The following SAMSN1 variants were observed in gnomAD, a reference collection of about 807,000 sequenced individuals.
SAMSN1 encodes the protein SAM domain-containing protein SAMSN-1.
In SAMSN1, 31 loss-of-function variants were observed where a neutral mutation model predicts 42.0. That is an observed-to-expected ratio of 0.74 (90% CI 0.55 to 1.00). The LOEUF (loss-of-function observed/expected upper bound fraction) is 1.00, where lower values mean the gene tolerates loss of function less well. SAMSN1 is among the 50% of genes least tolerant of loss of function. The pLI is 0.00. For missense variants in SAMSN1, 464 were observed against 439.4 expected (o/e 1.06, Z -0.50); for synonymous variants, 178 against 151.9 (o/e 1.17, Z -1.26).
At chr21:14,605,913 T>C (rs532508717) in intron 5 of SAMSN1, among the ~76,000 whole-genome samples, 7 of 151,640 alleles carry the variant, frequency 4.6e-5, no homozygotes, top group Admixed American at 1.3e-4. Context: ...GCGATCTGGG[T>C]TCACTGCAAG....
chr21:14,585,156 A>T (rs460622), upstream of SAMSN1, among the ~76,000 whole-genome samples: 100,704 of 152,070 alleles, frequency 0.66, 35,598 homozygotes, highest in Non-Finnish European at 0.79. Context: ...GCTCTGCTCA[A>T]CACAATTTCT....
At chr21:14,626,895 A>G (rs1983191934) in intron 2 of SAMSN1, among the ~76,000 whole-genome samples, 2 of 152,238 alleles carry the variant, frequency 1.3e-5, no homozygotes, top group South Asian at 4.1e-4. Flanking sequence ...CATCAATGAT[A>G]GACTGGATTA....
At chr21:14,647,282 G>C (rs1337848172) in intron 1 of SAMSN1, among the ~76,000 whole-genome samples, 1 of 151,936 alleles carries the variant, frequency 6.6e-6, no homozygotes, top group Non-Finnish European at 1.5e-5. Flanking sequence ...GTTTGTCAAA[G>C]ATCAGATAGT....
intron 2 of SAMSN1, among the ~76,000 whole-genome samples, chr21:14,570,409 C>G (rs35976700): frequency 6.6e-6 from 1 of 152,164 alleles, no homozygotes; most frequent in Non-Finnish European, 1.5e-5. Flanking sequence ...TCAGGGGAGG[C>G]AAATGGATGA....
intron 7 of SAMSN1, among the ~76,000 whole-genome samples, chr21:14,493,344 A>C (rs1986773956): frequency 1.3e-5 from 2 of 152,158 alleles, no homozygotes; most frequent in South Asian, 4.1e-4. Flanking sequence ...TTATCCCTGT[A>C]ATCTAGAGCA....
chr21:14,538,265 C>T (rs900335665), intron 1 of SAMSN1, among the ~76,000 whole-genome samples: 1 of 152,070 alleles, frequency 6.6e-6, no homozygotes, highest in African/African-American at 2.4e-5. Context: ...TTCCAGAAAA[C>T]TCTGTTTGAA....
At chr21:14,489,222 T>TA (rs1986570344) in intron 7 of SAMSN1, among the ~76,000 whole-genome samples, 2 of 152,300 alleles carry the variant, frequency 1.3e-5, no homozygotes, top group South Asian at 2.1e-4. Context: ...TCATCTGGGC[T>TA]AACCAGGCAA....
At chr21:14,590,563 G>C (rs564229604) in intron 7 of SAMSN1, among the ~76,000 whole-genome samples, 1 of 150,698 alleles carries the variant, frequency 6.6e-6, no homozygotes, top group Non-Finnish European at 1.5e-5. Context: ...AATTACAGGC[G>C]TGAGCCATCA....
At position 14,646,277 on chromosome 21, in the gene SAMSN1, GA is replaced by G. The variant is rs534358488; in HGVS notation, c.25-3145del. 6.6e-5 allele frequency among the ~76,000 whole-genome samples: 10 copies of G among 152,166 alleles called. No homozygotes were observed. In the South Asian group the frequency reaches 2.1e-3, roughly 32 times the overall value. On this transcript the variant is annotated intron_variant, in intron 1 of 15. Transcript: ENST00000647101. The stretch of plus-strand genomic sequence containing the variant: ...GAATTCTAAAAGCCACAAGAGAAAA[GA>G]AACAAATAACATACAATTGAGCGCC...
Position 14,565,376 on chromosome 21 carries a change from AT to A in SAMSN1, c.261+16759del, listed in dbSNP as rs556991542. On this transcript the variant is annotated intron_variant, in intron 2 of 8. Transcript: ENST00000285670. Reference sequence around the variant, plus strand: ...AAATATCTTCAATGACTCATCCTCTATTGATAACACTAGCTTTTACACCAGG... The same window carrying A: ...AAATATCTTCAATGACTCATCCTCTATGATAACACTAGCTTTTACACCAGG... Among the ~76,000 whole-genome samples, 422 of 152,014 alleles carry A rather than the reference AT, an allele frequency of 2.8e-3. 3 individuals carry two copies. The highest frequency in any genetic ancestry group is 5.3e-3 in the Non-Finnish European group (358 of 67,974).
chr21:14,645,081 G>A lies in SAMSN1; in HGVS notation c.25-1948C>T, dbSNP rs558621533. On this transcript the variant is annotated intron_variant, in intron 1 of 15. Transcript: ENST00000647101. ...ACTTCTGGACTCACCCAGGGCCTGG[G>A]GGCCTTCAGTGCCCTGAAGGGAAGC... Among the ~76,000 whole-genome samples, 97 of 152,298 alleles carry A rather than the reference G, an allele frequency of 6.4e-4. 2 individuals carry two copies. Among genetic ancestry groups the A allele is most frequent in the South Asian group, 6.0e-3 (29 of 4,820 alleles).
chr21:14,638,631 C>A (rs1290278958), intron 2 of SAMSN1, among the ~76,000 whole-genome samples: 1 of 152,148 alleles, frequency 6.6e-6, no homozygotes, highest in Non-Finnish European at 1.5e-5. Flanking sequence ...GATTTTCAGT[C>A]CCTACTGTAG....
chr21:14,558,633 A>G (rs899042379), intron 2 of SAMSN1, among the ~76,000 whole-genome samples: 5 of 152,174 alleles, frequency 3.3e-5, no homozygotes, highest in African/African-American at 1.2e-4. Context: ...GTGAGCCGAC[A>G]TCTCATCACT....
In SAMSN1 at chr21:14,613,478, C is replaced by T. The variant is rs146142039; in HGVS notation, c.198-565G>A. 7.5e-4 allele frequency among the ~76,000 whole-genome samples: 114 copies of T among 152,234 alleles called. 1 individual carries two copies. The South Asian group carries it at 8.3e-3, about 11-fold the overall frequency. On this transcript the variant is annotated intron_variant, in intron 3 of 15. Coordinates refer to the SAMSN1 transcript ENST00000647101. ...GGGTGAACACACACATATCTCATAA[C>T]TAACATTGTTATAGCTTAAGTGTTT... is the stretch of plus-strand genomic sequence containing the variant.
chr21:14,591,142 A>G (rs1309351614), intron 7 of SAMSN1, among the ~76,000 whole-genome samples: 1 of 152,192 alleles, frequency 6.6e-6, no homozygotes, highest in Non-Finnish European at 1.5e-5. Context: ...TATCATTATA[A>G]TTTTAAAAAT....
In SAMSN1 at chr21:14,537,320, C is replaced by CA. The variant is rs1292092404; in HGVS notation, c.57+8884dup. The stretch of plus-strand genomic sequence containing the variant: ...TCTTCCAGTCCTTTTTCCAATGTCC[C>CA]ATTCTCACCAAGGCTTCTCTAGTTC... On this transcript the variant is annotated intron_variant, in intron 1 of 7. Coordinates refer to ENST00000400566, the MANE Select transcript of SAMSN1 (RefSeq NM_022136.5). 9.2e-5 allele frequency among the ~76,000 whole-genome samples: 14 copies of CA among 152,274 alleles called. No homozygotes were observed. In the South Asian group the frequency reaches 2.3e-3, roughly 25 times the overall value.
At chr21:14,647,194 AC>A (rs2123389007) in intron 1 of SAMSN1, among the ~76,000 whole-genome samples, 1 of 152,308 alleles carries the variant, frequency 6.6e-6, no homozygotes, top group African/African-American at 2.4e-5. Flanking sequence ...CTATAAAAGC[AC>A]ATATATATGG....
chr21:14,541,628 A>C (rs2123145402), intron 1 of SAMSN1, among the ~76,000 whole-genome samples: 1 of 152,324 alleles, frequency 6.6e-6, no homozygotes, highest in African/African-American at 2.4e-5. Context: ...GGAAGGCCAA[A>C]AGATTAGACA....
intron 1 of SAMSN1, among the ~76,000 whole-genome samples, chr21:14,534,616 C>T (rs879927640): frequency 6.6e-5 from 10 of 151,710 alleles, no homozygotes; most frequent in Middle Eastern, 3.2e-3. Flanking sequence ...CCCGGGTTCA[C>T]GCCATTCTCC....
Sources: allele counts gnomAD v4.1 joint callset (sites outside exome capture counted in the v4.1 genomes callset), GRCh38; gene constraint gnomAD v4.1.1; transcripts MANE v1.5; gene names NCBI Gene and HGNC (gene_info 2026-07-23, HGNC 2026-07-21).